TTC9: variants seen among roughly 807,000 people sequenced by gnomAD.
TTC9 encodes the protein tetratricopeptide repeat domain 9, also known as tetratricopeptide repeat protein 9A.
Under a neutral mutation model 22.9 loss-of-function variants are expected in TTC9, and 13 were observed. The observed-to-expected ratio is 0.57, with a 90% CI of 0.37 to 0.90. TTC9 has a LOEUF of 0.90. Ranked by LOEUF, TTC9 falls within the 40% of genes least tolerant of loss-of-function variation. The pLI is 0.01. For synonymous variants in TTC9, 148 were observed against 133.2 expected (o/e 1.11, Z -0.77); for missense variants, 280 against 291.8 (o/e 0.96, Z 0.29).
rs71105722 is a variant in TTC9 at position 70,664,727 on chromosome 14, TAA to T, written c.407-2821_407-2820del. ...CTAGGCAATAGAGCGTGACTCCATTTAAAAAAAAAAAAAAAAAGAGTCCTGGC... is the reference window on the plus strand; with the variant it reads ...CTAGGCAATAGAGCGTGACTCCATTTAAAAAAAAAAAAAAAGAGTCCTGGC... On this transcript the variant is annotated intron_variant, in intron 1 of 2. Coordinates refer to ENST00000256367, the MANE Select transcript of TTC9 (RefSeq NM_015351.2). Among the ~76,000 whole-genome samples the T allele has an allele frequency of 7.0e-3, 985 of 140,982 alleles. 3 individuals carry two copies. Among genetic ancestry groups the T allele is most frequent in the East Asian group, 0.019 (90 of 4,834 alleles). The allele number at this position is 140,982 out of a possible 152,430, so 92.5% of individuals were successfully genotyped here.
In TTC9 at chr14:70,642,077, G is replaced by A; in HGVS notation, c.-53G>A. 4.9e-6 allele frequency: 5 copies of A among 1,026,392 alleles called. No individual in the cohort carries two copies. The highest frequency in any genetic ancestry group is 5.8e-6 in the Non-Finnish European group (5 of 858,156). The allele number at this position is 1,026,392 out of a possible 1,614,324, so 63.6% of individuals were successfully genotyped here. A position where few individuals can be genotyped will look rare whatever the true frequency, so the allele number is the denominator to read the frequency against. On this transcript the variant is annotated 5_prime_UTR_variant, in exon 1 of 3. Transcript: ENST00000256367. ...TTAAACCCGGGAAGGCGCGGCGGCG[G>A]CGGCGGCGGCGGGCAGATCGCGGCG...
intron 1 of TTC9, among the ~76,000 whole-genome samples, chr14:70,659,294 G>A (rs1886112639): frequency 1.3e-5 from 2 of 152,112 alleles, no homozygotes; most frequent in Non-Finnish European, 2.9e-5. Flanking sequence ...TAAAGGGTAT[G>A]GGAGGTCTCT....
At position 70,664,509 on chromosome 14, in the gene TTC9, A is replaced by T. The variant is rs1566701234; in HGVS notation, c.407-3055A>T. Among the ~76,000 whole-genome samples the T allele has an allele frequency of 2.0e-5, 3 of 152,130 alleles. No homozygotes were observed. In the East Asian group the frequency reaches 5.8e-4, roughly 29 times the overall value. ...GGGAGGCTGAGGCAGGCAGATCACC[A>T]GAGGTCAGGAGTTCGAGACCAGCCT... On this transcript the variant is annotated intron_variant, in intron 1 of 2. Transcript: ENST00000256367.
At chr14:70,668,109 A>G (rs1382465900) in intron 2 of TTC9, among the ~76,000 whole-genome samples, 2 of 152,222 alleles carry the variant, frequency 1.3e-5, no homozygotes, top group Non-Finnish European at 1.5e-5. Context: ...GCCGCTACCC[A>G]TGAGGCGCTC....
chr14:70,642,246 A>C lies in TTC9; in HGVS notation c.117A>C (p.Pro39=). The change falls in exon 1 of 3, where the codon CCA becomes CCC. Residue 39 remains proline, a synonymous_variant. Coordinates refer to ENST00000256367, the MANE Select transcript of TTC9 (RefSeq NM_015351.2). The part of the protein sequence containing the change: ...LCVPGGGGGA[P]ARGQVGAAAE... Reference sequence around the variant, plus strand: ...TCCCGGGCGGCGGCGGAGGAGCCCCAGCGAGGGGCCAGGTCGGGGCGGCGG... The same window carrying C: ...TCCCGGGCGGCGGCGGAGGAGCCCCCGCGAGGGGCCAGGTCGGGGCGGCGG... The C allele has an allele frequency of 7.2e-7, 1 of 1,398,116 alleles. No homozygotes were observed. Among genetic ancestry groups the C allele is most frequent in the Non-Finnish European group, 9.3e-7 (1 of 1,075,896 alleles). The allele number at this position is 1,398,116 out of a possible 1,614,324, so 86.6% of individuals were successfully genotyped here.
chr14:70,647,544 A>G (rs553252635), intron 1 of TTC9, among the ~76,000 whole-genome samples: 80 of 152,154 alleles, frequency 5.3e-4, no homozygotes, highest in Middle Eastern at 3.2e-3. Flanking sequence ...GTTTGAATGG[A>G]AAGAATGGCC....
chr14:70,649,656 C>T (rs1265537505), intron 1 of TTC9, among the ~76,000 whole-genome samples: 4 of 152,210 alleles, frequency 2.6e-5, no homozygotes, highest in African/African-American at 9.6e-5. Flanking sequence ...AAACTTGTCT[C>T]ACTGAAATTT....
At chr14:70,666,664 T>A (rs1383765128) in intron 1 of TTC9, among the ~76,000 whole-genome samples, 1 of 152,250 alleles carries the variant, frequency 6.6e-6, no homozygotes, top group Non-Finnish European at 1.5e-5. Flanking sequence ...ATCCCATCTT[T>A]GTCTCTTTCA....
Position 70,671,080 on chromosome 14 carries a change from C to G in TTC9, c.594C>G (p.Thr198=). 6.2e-7 allele frequency: 1 copy of G among 1,613,462 alleles called. No individual in the cohort carries two copies. The highest frequency in any genetic ancestry group is 1.3e-5 in the African/African-American group (1 of 75,028). The change falls in exon 3 of 3, where the codon ACC becomes ACG. Residue 198 remains threonine, a synonymous_variant. Coordinates refer to ENST00000256367, the MANE Select transcript of TTC9 (RefSeq NM_015351.2). ...GGTTTATTTCTCTCCTCACAGACACCAACGTGATTCGGTATATCCAGCTGA... is the reference window on the plus strand; with the variant it reads ...GGTTTATTTCTCTCCTCACAGACACGAACGTGATTCGGTATATCCAGCTGA... The part of the protein sequence containing the change: ...KEARTQQPTD[T]NVIRYIQLTE...
At chr14:70,654,622 A>AAAAAAAAAAAAAC (rs1886034447) in intron 1 of TTC9, among the ~76,000 whole-genome samples, 1 of 137,072 alleles carries the variant, frequency 7.3e-6, no homozygotes, top group Non-Finnish European at 1.6e-5. Context: ...AAAAAAAAAA[A>AAAAAAAAAAAAAC]TTCTAATTAC....
rs1363284849 is a variant in TTC9 at position 70,675,132 on chromosome 14, T to C, written c.*3977T>C. On this transcript the variant is annotated 3_prime_UTR_variant, in exon 3 of 3. Transcript: ENST00000256367. ...GGATAATAGTATGTCAATGTTATTTTAACTTTCTTTGATTCTTCGCGAATA... is the reference window on the plus strand; with the variant it reads ...GGATAATAGTATGTCAATGTTATTTCAACTTTCTTTGATTCTTCGCGAATA... 3 of 152,242 alleles carry C rather than the reference T, an allele frequency of 2.0e-5. No homozygotes were observed. The highest frequency in any genetic ancestry group is 7.2e-5 in the African/African-American group (3 of 41,458). 9.4% of individuals were successfully genotyped at this position (152,242 alleles called of 1,614,324 possible).
At chr14:70,655,030 G>A (rs1332533252) in intron 1 of TTC9, among the ~76,000 whole-genome samples, 2 of 152,146 alleles carry the variant, frequency 1.3e-5, no homozygotes, top group Non-Finnish European at 2.9e-5. Context: ...GAAACCTTTA[G>A]GCCAAACTTA....
chr14:70,665,191 C>T (rs114610373), intron 1 of TTC9, among the ~76,000 whole-genome samples: 40 of 152,154 alleles, frequency 2.6e-4, no homozygotes, highest in African/African-American at 7.7e-4. Context: ...GAGGGCTGGA[C>T]GGGAAGAGGG....
chr14:70,662,958 A>G (rs191179651), intron 1 of TTC9, among the ~76,000 whole-genome samples: 27 of 152,274 alleles, frequency 1.8e-4, no homozygotes, highest in African/African-American at 6.5e-4. Context: ...GCAGAGAGAA[A>G]ATATTGCAGA....
At chr14:70,654,070 C>T (rs1306707700) in intron 1 of TTC9, among the ~76,000 whole-genome samples, 1 of 152,056 alleles carries the variant, frequency 6.6e-6, no homozygotes, top group Non-Finnish European at 1.5e-5. Flanking sequence ...GGAGTGAGAG[C>T]ACTAGCAGGT....
At chr14:70,661,148 G>A (rs1186332373) in intron 1 of TTC9, among the ~76,000 whole-genome samples, 1 of 152,114 alleles carries the variant, frequency 6.6e-6, no homozygotes, top group African/African-American at 2.4e-5. Context: ...GGCACTCACT[G>A]GCTTTGTAGA....
rs1310431924 is a variant in TTC9, at chr14:70,662,363, G to A, written c.407-5201G>A. 2.0e-5 allele frequency among the ~76,000 whole-genome samples: 3 copies of A among 149,936 alleles called. No individual in the cohort carries two copies. The East Asian group carries it at 5.9e-4, about 29-fold the overall frequency. On this transcript the variant is annotated intron_variant, in intron 1 of 2. Transcript: ENST00000256367. ...TCCCTTCAGGGAAGGTCTCACCCCA[G>A]TGCCATGACTTGGGAAGACCCACAT...
At position 70,671,135 on chromosome 14, in the gene TTC9, A is replaced by C; in HGVS notation, c.649A>C (p.Arg217=). 1 of 1,613,764 alleles carries C rather than the reference A, an allele frequency of 6.2e-7. No individual in the cohort carries two copies. The highest frequency in any genetic ancestry group is 1.1e-5 in the South Asian group (1 of 91,078). ...TEMKLSRCSQ[R]EKEAM ...GATGAAACTCAGCCGATGCTCCCAG[A>C]GAGAAAAAGAAGCCATGTAACCAGG... Residue 217 remains arginine (R), a synonymous_variant, in exon 3 of 3, where the codon AGA becomes CGA. Transcript: ENST00000256367.
Position 70,642,067 on chromosome 14 carries a change from CGCGGCGGCG to C in TTC9, c.-49_-41del, listed in dbSNP as rs528163428. ...CCCGCGGCTTTTAAACCCGGGAAGG[CGCGGCGGCG>C]GCGGCGGCGGCGGGCAGATCGCGGC... On this transcript the variant is annotated 5_prime_UTR_variant, in exon 1 of 3. Coordinates refer to ENST00000256367, the MANE Select transcript of TTC9 (RefSeq NM_015351.2). 50 of 996,136 alleles carry C rather than the reference CGCGGCGGCG, an allele frequency of 5.0e-5. No homozygotes were observed. The highest frequency in any genetic ancestry group is 1.0e-4 in the East Asian group (1 of 9,920). The allele number at this position is 996,136 out of a possible 1,614,324, so 61.7% of individuals were successfully genotyped here.
Sources: allele counts gnomAD v4.1 joint callset (sites outside exome capture counted in the v4.1 genomes callset), GRCh38; gene constraint gnomAD v4.1.1; transcripts MANE v1.5; gene names NCBI Gene and HGNC (gene_info 2026-07-23, HGNC 2026-07-21).